The following MIPOL1 variants were observed in gnomAD, a reference collection of about 807,000 sequenced individuals.
MIPOL1 encodes the protein mirror-image polydactyly gene 1 protein.
A neutral mutation model predicts 60.9 loss-of-function variants in MIPOL1; 57 were observed. The observed-to-expected ratio is 0.94, with a 90% confidence interval of 0.76 to 1.17. The LOEUF is 1.17. Among genes scored for constraint, MIPOL1 ranks in the 50% most tolerant of loss-of-function variants. The probability of loss-of-function intolerance (pLI) is 0.00; values close to 1 mark genes in which losing one functional copy is unlikely to be tolerated. For missense variants in MIPOL1, 551 were observed against 511.6 expected, an observed-to-expected ratio of 1.08 and a Z score of -0.74; for synonymous variants, 179 against 168.8, an observed-to-expected ratio of 1.06 and a Z score of -0.47.
At chr14:37,542,866 G>T (rs1218489777) in intron 12 of MIPOL1, among the ~76,000 whole-genome samples, 1 of 152,122 alleles carries the variant, frequency 6.6e-6, no homozygotes, top group African/African-American at 2.4e-5. Flanking sequence ...AATACTTGTT[G>T]ATTGAACTGA....
At chr14:37,374,118 A>G (rs2092711140) in intron 10 of MIPOL1, among the ~76,000 whole-genome samples, 4 of 152,094 alleles carry the variant, frequency 2.6e-5, no homozygotes, top group Admixed American at 2.6e-4. Context: ...TTTGATTTGC[A>G]TCTCTCTAAT....
Position 37,422,919 on chromosome 14 carries a change from A to T in MIPOL1, c.1001A>T (p.Glu334Val). 2 of 1,608,674 alleles carry T rather than the reference A, an allele frequency of 1.2e-6. No homozygotes were observed. The highest frequency in any genetic ancestry group is 1.7e-6 in the Non-Finnish European group (2 of 1,176,696). ...GTTCAACAGTACAAAAAACTGGAAG[A>T]GGAAATCCAGACCCTTCGAGTTTAC... ...TAVQQYKKLEEEIQTLRVYYS... is the reference protein window; with the variant it reads ...TAVQQYKKLEVEIQTLRVYYS... The change falls in exon 11 of 13, where the codon GAG becomes GTG. Residue 334 changes from glutamate to valine, a missense_variant. Glu to Val is a moderately radical substitution (Grantham distance 121, BLOSUM62 -2). Transcript: ENST00000684589.
chr14:37,430,507 T>C, intron 11 of MIPOL1, among the ~76,000 whole-genome samples: 1 of 93,340 alleles, frequency 1.1e-5, no homozygotes, highest in East Asian at 3.0e-4. Context: ...AATAGTTTTT[T>C]TTTTTAAAAA....
At chr14:37,487,473 T>C (rs1056962691) in intron 11 of MIPOL1, among the ~76,000 whole-genome samples, 3 of 152,136 alleles carry the variant, frequency 2.0e-5, no homozygotes, top group Non-Finnish European at 4.4e-5. Context: ...GTCCTGGACT[T>C]TTTTTGGTTG....
chr14:37,542,452 C>G (rs1566797929), intron 12 of MIPOL1, among the ~76,000 whole-genome samples: 1 of 152,170 alleles, frequency 6.6e-6, no homozygotes, highest in African/African-American at 2.4e-5. Flanking sequence ...AGCCCCATTT[C>G]TTGCCATCTT....
chr14:37,395,980 G>A (rs994322461), intron 10 of MIPOL1, among the ~76,000 whole-genome samples: 4 of 152,098 alleles, frequency 2.6e-5, no homozygotes, highest in Non-Finnish European at 4.4e-5. Context: ...TGTCTTTTAA[G>A]TGGAGCATTT....
intron 10 of MIPOL1, among the ~76,000 whole-genome samples, chr14:37,390,349 A>G (rs565722836): frequency 3.9e-5 from 6 of 152,236 alleles, no homozygotes; most frequent in Non-Finnish European, 7.4e-5. Context: ...AAGACTAAAT[A>G]ATATCTGGAA....
chr14:37,341,675 C>A (rs1381989328), intron 9 of MIPOL1, among the ~76,000 whole-genome samples: 1 of 152,170 alleles, frequency 6.6e-6, no homozygotes, highest in African/African-American at 2.4e-5. Context: ...GGATACCTGG[C>A]CTCACGTGAT....
At chr14:37,423,643 T>C (rs2093913757) in intron 11 of MIPOL1, 1 of 152,112 alleles carries the variant, frequency 6.6e-6, no homozygotes. Context: ...GCCATGTATA[T>C]TCTTTCATTA....
intron 11 of MIPOL1, among the ~76,000 whole-genome samples, chr14:37,480,972 C>A (rs2094854100): frequency 6.6e-6 from 1 of 152,022 alleles, no homozygotes; most frequent in South Asian, 2.1e-4. Flanking sequence ...GACTTCGTCT[C>A]TATTTAAAAA....
At chr14:37,248,070 T>A in intron 3 of MIPOL1, among the ~76,000 whole-genome samples, 163 bp downstream of exon 3, 1 of 146,540 alleles carries the variant, frequency 6.8e-6, no homozygotes, top group African/African-American at 2.5e-5. Flanking sequence ...ATGAAAGAGA[T>A]ACAAAGAAAG....
chr14:37,397,384 T>C (rs2103894), intron 10 of MIPOL1, among the ~76,000 whole-genome samples: 5 of 142,494 alleles, frequency 3.5e-5, no homozygotes, highest in South Asian at 2.3e-4. Context: ...GTGGTGGGAG[T>C]GGGGAGGGGG....
chr14:37,343,749 A>G (rs2090743489), intron 9 of MIPOL1, among the ~76,000 whole-genome samples: 1 of 152,214 alleles, frequency 6.6e-6, no homozygotes, highest in African/African-American at 2.4e-5. Context: ...ATTCTTCAGA[A>G]TTCATATGAT....
At chr14:37,282,309 T>C (rs767419442) in intron 6 of MIPOL1, among the ~76,000 whole-genome samples, 76 of 151,558 alleles carry the variant, frequency 5.0e-4, no homozygotes, top group Non-Finnish European at 6.9e-4. Context: ...TGGCGTGATA[T>C]CGGCTCACTG....
At chr14:37,533,096 G>A (rs978511674) in intron 12 of MIPOL1, among the ~76,000 whole-genome samples, 1 of 152,020 alleles carries the variant, frequency 6.6e-6, no homozygotes, top group Non-Finnish European at 1.5e-5. Flanking sequence ...TGATGAGTAT[G>A]CATCATAACA....
intron 9 of MIPOL1, among the ~76,000 whole-genome samples, chr14:37,318,839 A>C (rs1050264857): frequency 2.0e-5 from 3 of 151,624 alleles, no homozygotes; most frequent in African/African-American, 7.3e-5. Context: ...TTAGTTAGTT[A>C]GTTAGTTAAG....
At chr14:37,236,678 T>C (rs1484400004) in intron 1 of MIPOL1, among the ~76,000 whole-genome samples, 2 of 152,052 alleles carry the variant, frequency 1.3e-5, no homozygotes, top group East Asian at 3.9e-4. Flanking sequence ...CCTCAGGTGA[T>C]CTATCTGCCT....
intron 1 of MIPOL1, among the ~76,000 whole-genome samples, chr14:37,200,898 G>GTGTTT (rs1566965436): frequency 2.4e-5 from 1 of 42,434 alleles, no homozygotes; most frequent in Non-Finnish European, 4.2e-5. Context: ...GTGTGTGTGT[G>GTGTTT]TATTTTTTTT....
chr14:37,254,775 C>A (rs1473618998), intron 3 of MIPOL1, among the ~76,000 whole-genome samples: 5 of 151,760 alleles, frequency 3.3e-5, no homozygotes, highest in African/African-American at 1.2e-4. Context: ...TTGGTTCCTG[C>A]ATTTTATACA....
Sources: allele counts gnomAD v4.1 joint callset (sites outside exome capture counted in the v4.1 genomes callset), GRCh38; gene constraint gnomAD v4.1.1; transcripts MANE v1.5; gene names NCBI Gene and HGNC (gene_info 2026-07-23, HGNC 2026-07-21).